FIGN: variants seen among roughly 807,000 people sequenced by gnomAD.
FIGN encodes the protein fidgetin, microtubule severing factor.
FIGN carries 11 observed loss-of-function variants against 51.3 expected under a neutral mutation model. The observed-to-expected ratio is 0.21, with a 90% CI of 0.13 to 0.35. The LOEUF (loss-of-function observed/expected upper bound fraction) is 0.35. Ranked by LOEUF, FIGN falls within the 10% of genes least tolerant of loss-of-function variation. The probability of loss-of-function intolerance (pLI) is 1.00; values close to 1 mark genes in which losing one functional copy is unlikely to be tolerated. For missense variants in FIGN, 857 were observed against 943.6 expected, an observed-to-expected ratio of 0.91 and a Z score of 1.20; for synonymous variants, 407 against 363.2, an observed-to-expected ratio of 1.12 and a Z score of -1.37.
intron 2 of FIGN, among the ~76,000 whole-genome samples, chr2:163,627,777 G>A (rs1364867931): frequency 6.6e-6 from 1 of 152,052 alleles, no homozygotes; most frequent in African/African-American, 2.4e-5. Context: ...AAACAAACAA[G>A]CAAACAGACA....
intron 2 of FIGN, among the ~76,000 whole-genome samples, chr2:163,643,747 A>T (rs1683339673): frequency 6.6e-6 from 1 of 151,074 alleles, no homozygotes; most frequent in African/African-American, 2.4e-5. Flanking sequence ...TGAAGTCAGG[A>T]GTTTGAGACT....
intron 2 of FIGN, among the ~76,000 whole-genome samples, chr2:163,700,437 C>A (rs996972076): frequency 3.9e-5 from 6 of 151,992 alleles, no homozygotes; most frequent in Non-Finnish European, 7.4e-5. Context: ...CATAGGATAA[C>A]AAGAAGCAGG....
intron 2 of FIGN, among the ~76,000 whole-genome samples, chr2:163,652,361 A>ACACACACACACACACACACAC (rs776188112): frequency 7.2e-6 from 1 of 139,374 alleles, no homozygotes; most frequent in African/African-American, 2.8e-5. Context: ...CACACACACA[A>ACACACACACACACACACACAC]ACACACACAC....
At chr2:163,660,880 T>TATATA (rs1491524841) in intron 2 of FIGN, among the ~76,000 whole-genome samples, 44 of 980 alleles carry the variant, frequency 0.045, 12 homozygotes, top group African/African-American at 0.065. Context: ...TATATATATA[T>TATATA]TTTTTTTTTT....
chr2:163,619,085 TC>T (rs1166836675), intron 2 of FIGN, among the ~76,000 whole-genome samples: 2 of 152,156 alleles, frequency 1.3e-5, no homozygotes, highest in African/African-American at 4.8e-5. Flanking sequence ...GTTTCAGTGT[TC>T]CCCCTTTTGC....
chr2:163,608,490 G>A lies in FIGN; in HGVS notation c.*1062C>T, dbSNP rs1297344324. 1.3e-5 allele frequency: 2 copies of A among 152,604 alleles called. No homozygotes were observed. Among genetic ancestry groups the A allele is most frequent in the Non-Finnish European group, 1.5e-5 (1 of 68,192 alleles). 9.5% of individuals were successfully genotyped at this position (152,604 alleles called of 1,614,324 possible). ...ATAAAAAGGCAGTCATAGTTTTTAG[G>A]TACTGTGACTTTCAGGGTCCTAAAC... On this transcript the variant is annotated 3_prime_UTR_variant, in exon 3 of 3. Coordinates refer to ENST00000333129, the MANE Select transcript of FIGN (RefSeq NM_018086.4).
At position 163,686,795 on chromosome 2, in the gene FIGN, CAT is replaced by C. The variant is rs771554104; in HGVS notation, c.25+48106_25+48107del. Among the ~76,000 whole-genome samples the C allele has an allele frequency of 1.7e-3, 259 of 150,198 alleles. 1 individual carries two copies. The highest frequency in any genetic ancestry group is 5.6e-3 in the African/African-American group (229 of 40,948). On this transcript the variant is annotated intron_variant, in intron 2 of 2. Coordinates refer to ENST00000333129, the MANE Select transcript of FIGN (RefSeq NM_018086.4). ...ATACACATACACACACACACACACA[CAT>C]ATATATATATTCTTTTTAAAGTGAT...
At chr2:163,714,019 G>A (rs888788634) in intron 2 of FIGN, among the ~76,000 whole-genome samples, 1 of 152,120 alleles carries the variant, frequency 6.6e-6, no homozygotes, top group African/African-American at 2.4e-5. Flanking sequence ...GGTCAGCTCG[G>A]GCACTTGCAC....
intron 2 of FIGN, among the ~76,000 whole-genome samples, chr2:163,725,109 C>T (rs569677724): frequency 1.3e-5 from 2 of 152,230 alleles, no homozygotes; most frequent in Admixed American, 6.5e-5. Flanking sequence ...CTGCTTTACT[C>T]TTCCCTAATA....
chr2:163,733,049 G>A (rs1684956584), intron 2 of FIGN, among the ~76,000 whole-genome samples: 1 of 152,084 alleles, frequency 6.6e-6, no homozygotes, highest in Non-Finnish European at 1.5e-5. Flanking sequence ...TAGAAAACAA[G>A]AGCCAGTAAC....
At chr2:163,687,220 C>A (rs1351704840) in intron 2 of FIGN, among the ~76,000 whole-genome samples, 1 of 152,134 alleles carries the variant, frequency 6.6e-6, no homozygotes, top group African/African-American at 2.4e-5. Flanking sequence ...CAAGACCACC[C>A]TAGATTTTTC....
chr2:163,704,039 A>G (rs1460033106), intron 2 of FIGN, among the ~76,000 whole-genome samples: 9 of 151,844 alleles, frequency 5.9e-5, no homozygotes, highest in East Asian at 1.9e-4. Context: ...GAAAAGGGGG[A>G]AAAAAAAGTC....
chr2:163,635,289 TG>T (rs536791317), intron 2 of FIGN, among the ~76,000 whole-genome samples: 2 of 152,216 alleles, frequency 1.3e-5, no homozygotes, highest in South Asian at 4.1e-4. Flanking sequence ...TTATATGGGC[TG>T]GGTGTAGTGG....
At position 163,642,476 on chromosome 2, in the gene FIGN, A is replaced by G. The variant is rs559216201; in HGVS notation, c.26-30670T>C. On this transcript the variant is annotated intron_variant, in intron 2 of 2. Coordinates refer to ENST00000333129, the MANE Select transcript of FIGN (RefSeq NM_018086.4). Reference sequence around the variant, plus strand: ...CCTTAGGTTTTCTTTATATCTAAACAGTTATGCTAAGAAACTTACTCAAGG... The same window carrying G: ...CCTTAGGTTTTCTTTATATCTAAACGGTTATGCTAAGAAACTTACTCAAGG... 8.5e-5 allele frequency among the ~76,000 whole-genome samples: 13 copies of G among 152,354 alleles called. 1 individual carries two copies. The highest frequency in any genetic ancestry group is 2.6e-4 in the African/African-American group (11 of 41,584).
At chr2:163,637,102 C>T (rs953432603) in intron 2 of FIGN, among the ~76,000 whole-genome samples, 1 of 152,084 alleles carries the variant, frequency 6.6e-6, no homozygotes, top group East Asian at 1.9e-4. Context: ...AAAAACGGAA[C>T]ACAGAGCATC....
At chr2:163,647,511 C>T (rs1683400622) in intron 2 of FIGN, among the ~76,000 whole-genome samples, 1 of 152,124 alleles carries the variant, frequency 6.6e-6, no homozygotes, top group Non-Finnish European at 1.5e-5. Flanking sequence ...CTTCAGAGCT[C>T]ACCCTTGACT....
chr2:163,718,652 A>G (rs1052936396), intron 2 of FIGN, among the ~76,000 whole-genome samples: 68 of 152,322 alleles, frequency 4.5e-4, no homozygotes, highest in African/African-American at 1.3e-3. Context: ...TAGACACCAG[A>G]GAATTTATGA....
At chr2:163,653,225 C>T (rs1185061248) in intron 2 of FIGN, among the ~76,000 whole-genome samples, 1 of 151,952 alleles carries the variant, frequency 6.6e-6, no homozygotes. Context: ...CAATAAATAT[C>T]ACCTCTTTCT....
At position 163,609,434 on chromosome 2, in the gene FIGN, ATC is replaced by A; in HGVS notation, c.*116_*117del. 1.2e-6 allele frequency: 1 copy of A among 844,522 alleles called. No individual in the cohort carries two copies. Among genetic ancestry groups the A allele is most frequent in the African/African-American group, 1.7e-5 (1 of 58,606 alleles). The allele number at this position is 844,522 out of a possible 1,614,324, so 52.3% of individuals were successfully genotyped here. A position where few individuals can be genotyped will look rare whatever the true frequency, so the allele number is the denominator to read the frequency against. ...ACTCTAAAGATGCAACTTAATCGTC[ATC>A]TTCCCCAGTACCCTTTGCAATTTAA... On this transcript the variant is annotated 3_prime_UTR_variant, in exon 3 of 3. Transcript: ENST00000333129.
Sources: allele counts gnomAD v4.1 joint callset (sites outside exome capture counted in the v4.1 genomes callset), GRCh38; gene constraint gnomAD v4.1.1; transcripts MANE v1.5; gene names NCBI Gene and HGNC (gene_info 2026-07-23, HGNC 2026-07-21).